SRPK2: variants seen among roughly 807,000 people sequenced by gnomAD.
SRPK2 encodes the protein SFRS protein kinase 2.
Under a neutral mutation model 90.8 loss-of-function variants are expected in SRPK2, and 21 were observed. The observed-to-expected ratio is 0.23, with a 90% CI of 0.16 to 0.33. The LOEUF is 0.33. SRPK2 is among the 10% of genes least tolerant of loss of function. The pLI is 1.00. For missense variants in SRPK2, 620 were observed against 869.0 expected, an observed-to-expected ratio of 0.71 and a Z score of 3.60; for synonymous variants, 288 against 311.1, an observed-to-expected ratio of 0.93 and a Z score of 0.78.
downstream of SRPK2, among the ~76,000 whole-genome samples, chr7:105,115,691 A>ATAAAC (rs146704358): frequency 6.6e-6 from 1 of 152,190 alleles, no homozygotes; most frequent in East Asian, 1.9e-4. Context: ...TTTCTGTATT[A>ATAAAC]TAAACTAGTT....
In SRPK2 at chr7:105,135,316, A is replaced by G. The variant is rs555951586; in HGVS notation, c.1544-2212T>C. On this transcript the variant is annotated intron_variant, in intron 11 of 15. Transcript: ENST00000393651. ...TCCCCACCGAAGACACTAAAAACCC[A>G]AACACAGGAGAGTCAGGACAGCATC... 1.1e-4 allele frequency among the ~76,000 whole-genome samples: 16 copies of G among 152,270 alleles called. No homozygotes were observed. In the South Asian group the frequency reaches 3.3e-3, roughly 32 times the overall value.
At chr7:105,240,883 C>T (rs552698927) in intron 2 of SRPK2, among the ~76,000 whole-genome samples, 1 of 152,202 alleles carries the variant, frequency 6.6e-6, no homozygotes, top group East Asian at 1.9e-4. Flanking sequence ...TATAAAGTAA[C>T]CTTTGTCAGT....
chr7:105,227,678 A>G (rs1798877603), intron 2 of SRPK2, among the ~76,000 whole-genome samples: 1 of 152,184 alleles, frequency 6.6e-6, no homozygotes. Context: ...CAGTTCTACA[A>G]AATTTCAAAC....
intron 2 of SRPK2, among the ~76,000 whole-genome samples, chr7:105,263,868 T>G (rs748571767): frequency 7.2e-5 from 11 of 152,078 alleles, no homozygotes; most frequent in Non-Finnish European, 1.2e-4. Flanking sequence ...AAAAATTAAA[T>G]AAAGAATTGA....
At chr7:105,349,949 G>C (rs1442162721) in intron 2 of SRPK2, among the ~76,000 whole-genome samples, 1 of 150,916 alleles carries the variant, frequency 6.6e-6, no homozygotes, top group African/African-American at 2.4e-5. Flanking sequence ...ATGTTGGCCA[G>C]GATGATCTCA....
chr7:105,363,496 T>G (rs1818670802), intron 2 of SRPK2, among the ~76,000 whole-genome samples: 2 of 152,078 alleles, frequency 1.3e-5, no homozygotes, highest in Admixed American at 1.3e-4. Flanking sequence ...TCACACCAAT[T>G]AGAATGGCAA....
intron 2 of SRPK2, among the ~76,000 whole-genome samples, chr7:105,316,337 T>C (rs745905677): frequency 3.9e-5 from 6 of 152,204 alleles, no homozygotes; most frequent in African/African-American, 7.2e-5. Context: ...CATTAAGGCC[T>C]AGGAAATAGC....
rs1429149317 is a variant in SRPK2 at position 105,126,247 on chromosome 7, C to T, written c.1915+1G>A. 1 of 1,610,884 alleles carries T rather than the reference C, an allele frequency of 6.2e-7. No individual in the cohort carries two copies. ...CGCTTTTCAAAAAGAAGAGGTACTA[C>T]CTCTGCGATTGAAGAATTCCCGAGA... On this transcript the variant is annotated splice_donor_variant, in intron 15 of 15. Transcript: ENST00000393651. LOFTEE classifies it high-confidence loss of function.
chr7:105,387,903 G>C (rs1821816093), intron 2 of SRPK2, among the ~76,000 whole-genome samples: 1 of 152,206 alleles, frequency 6.6e-6, no homozygotes, highest in African/African-American at 2.4e-5. Flanking sequence ...CCAGGCTGGA[G>C]GTGGCCGCCA....
intron 2 of SRPK2, among the ~76,000 whole-genome samples, chr7:105,336,381 A>G (rs1815093581): frequency 6.6e-6 from 1 of 152,202 alleles, no homozygotes; most frequent in Admixed American, 6.5e-5. Context: ...TTAAAATACC[A>G]TTATAATTTA....
At chr7:105,237,331 T>C (rs1452566503) in intron 2 of SRPK2, among the ~76,000 whole-genome samples, 1 of 152,240 alleles carries the variant, frequency 6.6e-6, no homozygotes, top group Non-Finnish European at 1.5e-5. Flanking sequence ...AGTCTACTAA[T>C]AAAAGATACA....
intron 7 of SRPK2, among the ~76,000 whole-genome samples, chr7:105,149,130 T>G (rs952289970): frequency 1.2e-4 from 18 of 152,268 alleles, no homozygotes; most frequent in African/African-American, 3.9e-4. Flanking sequence ...GAAAGCCTCT[T>G]GCAGTTGAGA....
intron 3 of SRPK2, among the ~76,000 whole-genome samples, chr7:105,203,363 A>G (rs1795799974): frequency 6.6e-6 from 1 of 152,224 alleles, no homozygotes; most frequent in Non-Finnish European, 1.5e-5. Context: ...TAACAGATTT[A>G]AGTCCTTCTG....
chr7:105,247,121 T>G (rs1430133706), intron 2 of SRPK2, among the ~76,000 whole-genome samples: 1 of 152,188 alleles, frequency 6.6e-6, no homozygotes, highest in Non-Finnish European at 1.5e-5. Flanking sequence ...TTCCATGGGC[T>G]TTTTAACGAC....
At chr7:105,322,239 G>A (rs1813018951) in intron 2 of SRPK2, among the ~76,000 whole-genome samples, 1 of 152,006 alleles carries the variant, frequency 6.6e-6, no homozygotes, top group Non-Finnish European at 1.5e-5. Context: ...ACATGTTGTG[G>A]AATCCCACCT....
chr7:105,244,819 C>T (rs1340846435), intron 2 of SRPK2: 7 of 974,744 alleles, frequency 7.2e-6, no homozygotes, highest in East Asian at 7.1e-5. Flanking sequence ...ACAAGCAGCA[C>T]GCCAAGGAGT....
intron 2 of SRPK2, among the ~76,000 whole-genome samples, chr7:105,221,553 T>A (rs982489748): frequency 6.6e-6 from 1 of 152,176 alleles, no homozygotes; most frequent in African/African-American, 2.4e-5. Flanking sequence ...GCCCCAACCA[T>A]ACCTATTTGC....
chr7:105,159,246 AAGGCAGAGGC>A (rs1330239540), intron 7 of SRPK2, among the ~76,000 whole-genome samples: 2 of 151,874 alleles, frequency 1.3e-5, no homozygotes, highest in African/African-American at 2.4e-5. Flanking sequence ...AGCACTTTGG[AAGGCAGAGGC>A]AGGCAGACTG....
intron 2 of SRPK2, among the ~76,000 whole-genome samples, chr7:105,209,167 G>A (rs898222200): frequency 9.2e-5 from 14 of 152,170 alleles, no homozygotes; most frequent in Non-Finnish European, 2.9e-5. Context: ...CTTTAAAAAG[G>A]AGACTGAAAT....
Sources: allele counts gnomAD v4.1 joint callset (sites outside exome capture counted in the v4.1 genomes callset), GRCh38; gene constraint gnomAD v4.1.1; transcripts MANE v1.5; gene names NCBI Gene and HGNC (gene_info 2026-07-23, HGNC 2026-07-21).